Variants in DGLUCY observed in about 807,000 individuals in gnomAD.
DGLUCY encodes D-glutamate cyclase.
Under a neutral mutation model 58.5 loss-of-function variants are expected in DGLUCY, and 58 were observed. The ratio of observed to expected loss-of-function variants is 0.99; its 90% confidence interval spans 0.80 to 1.23. The LOEUF (loss-of-function observed/expected upper bound fraction) is 1.23, where lower values mean the gene tolerates loss of function less well. Among genes scored for constraint, DGLUCY ranks in the 50% most tolerant of loss-of-function variants. DGLUCY has a pLI of 0.00. For missense variants in DGLUCY, 779 were observed against 784.7 expected, an observed-to-expected ratio of 0.99 and a Z score of 0.09; for synonymous variants, 325 against 314.1, an observed-to-expected ratio of 1.03 and a Z score of -0.37.
At chr14:91,061,845 G>A (rs1292704443) in intron 1 of DGLUCY, among the ~76,000 whole-genome samples, 1 of 152,200 alleles carries the variant, frequency 6.6e-6, no homozygotes, top group Non-Finnish European at 1.5e-5. Flanking sequence ...GAACTGAAAA[G>A]AGGAGAGAGA....
At chr14:91,211,598 A>G (rs1885686285) in intron 12 of DGLUCY, among the ~76,000 whole-genome samples, 1 of 152,216 alleles carries the variant, frequency 6.6e-6, no homozygotes, top group Non-Finnish European at 1.5e-5. Context: ...CTTTTCAACA[A>G]ATGGTGCTGG....
chr14:91,127,581 C>T (rs1465954586), intron 1 of DGLUCY, among the ~76,000 whole-genome samples: 4 of 152,226 alleles, frequency 2.6e-5, no homozygotes, highest in African/African-American at 4.8e-5. Context: ...AGGCTGTTTG[C>T]GGTTTGGCCA....
At chr14:91,070,251 G>A (rs571989610) in intron 1 of DGLUCY, among the ~76,000 whole-genome samples, 9 of 152,254 alleles carry the variant, frequency 5.9e-5, no homozygotes, top group African/African-American at 2.2e-4. Context: ...TTGGAGATGA[G>A]GGGGTGAAGG....
At chr14:91,165,136 A>C in intron 3 of DGLUCY, 1 of 414,344 alleles carries the variant, frequency 2.4e-6, no homozygotes, top group South Asian at 1.7e-5. Context: ...GAATATGTCC[A>C]ACACATTGTT....
intron 12 of DGLUCY, among the ~76,000 whole-genome samples, chr14:91,207,057 G>A (rs576187961): frequency 1.3e-5 from 2 of 151,730 alleles, no homozygotes; most frequent in South Asian, 4.2e-4. Flanking sequence ...ACGTGGGGGG[G>A]CTGAGGTGGG....
At chr14:91,079,763 T>G (rs761987585) in intron 1 of DGLUCY, among the ~76,000 whole-genome samples, 2 of 152,146 alleles carry the variant, frequency 1.3e-5, no homozygotes, top group Non-Finnish European at 2.9e-5. Context: ...TAGAAAAGAT[T>G]CAGAAAAAAA....
intron 1 of DGLUCY, among the ~76,000 whole-genome samples, chr14:91,155,266 G>A (rs536505176): frequency 1.3e-5 from 2 of 152,216 alleles, no homozygotes; most frequent in South Asian, 4.1e-4. Context: ...TGTGTTTTTG[G>A]CACGGGGCCC....
intron 1 of DGLUCY, among the ~76,000 whole-genome samples, chr14:91,155,481 G>A (rs1052022053): frequency 1.3e-5 from 2 of 152,186 alleles, no homozygotes; most frequent in Non-Finnish European, 2.9e-5. Flanking sequence ...AGATAAACGT[G>A]TTTTTATAGG....
Position 91,148,506 on chromosome 14 carries a change from A to C in DGLUCY, c.-81-9133A>C, listed in dbSNP as rs901704805. The C allele has an allele frequency of 2.6e-5, 4 of 151,914 alleles. No homozygotes were observed. The East Asian group carries it at 7.8e-4, about 30-fold the overall frequency. The allele number at this position is 151,914 out of a possible 1,614,324, so 9.4% of individuals were successfully genotyped here. A position where few individuals can be genotyped will look rare whatever the true frequency, so the allele number is the denominator to read the frequency against. ...TAGGCATGAGCCACTGTGCCTGGCT[A>C]GGAATTTATTTTAACAACCAAAAAC... On this transcript the variant is annotated intron_variant, in intron 1 of 13. Coordinates refer to ENST00000256324, the MANE Select transcript of DGLUCY (RefSeq NM_001102368.3).
At chr14:91,129,917 G>A (rs567522416) in intron 1 of DGLUCY, among the ~76,000 whole-genome samples, 1 of 152,316 alleles carries the variant, frequency 6.6e-6, no homozygotes, top group Non-Finnish European at 1.5e-5. Flanking sequence ...AAAGTGCTGG[G>A]ATTACAGGCA....
intron 1 of DGLUCY, chr14:91,128,865 A>G (rs911881933): frequency 6.6e-6 from 1 of 152,124 alleles, no homozygotes; most frequent in African/African-American, 2.4e-5. Flanking sequence ...ATGAGTGGAA[A>G]TACCCTGGTT....
intron 1 of DGLUCY, among the ~76,000 whole-genome samples, chr14:91,126,962 A>G (rs2045724322): frequency 6.6e-6 from 1 of 151,844 alleles, no homozygotes; most frequent in South Asian, 2.1e-4. Flanking sequence ...AAACAATTCC[A>G]GAAATGCAAC....
chr14:91,099,287 C>A (rs1302616945), intron 1 of DGLUCY, among the ~76,000 whole-genome samples: 1 of 152,186 alleles, frequency 6.6e-6, no homozygotes, highest in Non-Finnish European at 1.5e-5. Context: ...AATCCCAATA[C>A]TTTGGGAGGC....
intron 1 of DGLUCY, among the ~76,000 whole-genome samples, chr14:91,067,343 C>T (rs1202827990): frequency 8.6e-5 from 13 of 152,040 alleles, no homozygotes; most frequent in Admixed American, 6.5e-4. Context: ...CCTCACTTGG[C>T]GTAAGCCACT....
chr14:91,217,014 G>A (rs779851220), intron 13 of DGLUCY, among the ~76,000 whole-genome samples: 11 of 152,124 alleles, frequency 7.2e-5, no homozygotes, highest in Admixed American at 2.0e-4. Flanking sequence ...AGCAAGCTCC[G>A]CCCCCAACAC....
chr14:91,224,881 C>A lies in DGLUCY; in HGVS notation c.*48C>A. ...GAGTCCCTACCAACGGGCAGGTCTGCATCCGGGGAGAATGCAGCTGCTTCT... is the reference window on the plus strand; with the variant it reads ...GAGTCCCTACCAACGGGCAGGTCTGAATCCGGGGAGAATGCAGCTGCTTCT... On this transcript the variant is annotated 3_prime_UTR_variant, in exon 14 of 14. Transcript: ENST00000256324. The A allele has an allele frequency of 6.5e-7, 1 of 1,528,462 alleles. No homozygotes were observed. The highest frequency in any genetic ancestry group is 1.2e-5 in the South Asian group (1 of 82,076). The allele number at this position is 1,528,462 out of a possible 1,614,324, so 94.7% of individuals were successfully genotyped here. A position where few individuals can be genotyped will look rare whatever the true frequency, so the allele number is the denominator to read the frequency against.
intron 1 of DGLUCY, among the ~76,000 whole-genome samples, chr14:91,118,772 A>G (rs1053969086): frequency 6.6e-6 from 1 of 152,106 alleles, no homozygotes; most frequent in Admixed American, 6.6e-5. Context: ...GGTCCATTCA[A>G]TTGGTTGAAG....
intron 1 of DGLUCY, among the ~76,000 whole-genome samples, chr14:91,064,663 A>C (rs2043792265): frequency 6.6e-6 from 1 of 151,916 alleles, no homozygotes; most frequent in African/African-American, 2.4e-5. Context: ...AGTTGGAATA[A>C]GAAGGTGGAG....
At chr14:91,138,070 C>G (rs2046443054) in intron 1 of DGLUCY, among the ~76,000 whole-genome samples, 2 of 152,172 alleles carry the variant, frequency 1.3e-5, no homozygotes, top group African/African-American at 4.8e-5. Context: ...TGACACTTTC[C>G]TCTTTGGTCC....
Sources: allele counts gnomAD v4.1 joint callset (sites outside exome capture counted in the v4.1 genomes callset), GRCh38; gene constraint gnomAD v4.1.1; transcripts MANE v1.5; gene names NCBI Gene and HGNC (gene_info 2026-07-23, HGNC 2026-07-21).